The following NPNT variants were observed in gnomAD, a reference collection of about 807,000 sequenced individuals.
NPNT encodes the protein nephronectin.
NPNT carries 45 observed loss-of-function variants against 68.6 expected under a neutral mutation model. The observed-to-expected ratio is 0.66, with a 90% confidence interval of 0.52 to 0.84. The LOEUF (loss-of-function observed/expected upper bound fraction) is 0.84, where lower values mean the gene tolerates loss of function less well. NPNT is among the 40% of genes least tolerant of loss of function. The pLI, the probability that NPNT is intolerant of heterozygous loss-of-function variation, is 0.00. For synonymous variants in NPNT, 233 were observed against 253.3 expected (o/e 0.92, Z 0.76); for missense variants, 672 against 714.8 (o/e 0.94, Z 0.68).
At chr4:105,947,765 T>C (rs371233214) in intron 8 of NPNT, among the ~76,000 whole-genome samples, 38 of 152,316 alleles carry the variant, frequency 2.5e-4, no homozygotes, top group African/African-American at 8.4e-4. Flanking sequence ...CCTTTGAACA[T>C]TCTTTATTTT....
intron 8 of NPNT, among the ~76,000 whole-genome samples, chr4:105,956,537 A>G (rs1235246477): frequency 6.6e-6 from 1 of 152,182 alleles, no homozygotes; most frequent in Non-Finnish European, 1.5e-5. Flanking sequence ...GGTACTTTTA[A>G]GAGTTGAGCC....
chr4:105,967,065 T>G (rs1353682822), intron 10 of NPNT, 123 bp from the exon 11 acceptor site: 11 of 933,870 alleles, frequency 1.2e-5, no homozygotes, highest in Non-Finnish European at 1.7e-5. Context: ...TTTTTCTTCT[T>G]CAAAAATCTG....
intron 2 of NPNT, among the ~76,000 whole-genome samples, chr4:105,898,322 C>CTG (rs1726078054): frequency 9.0e-5 from 11 of 122,842 alleles, no homozygotes; most frequent in Non-Finnish European, 1.4e-4. Context: ...GTCTCTCTCT[C>CTG]TCTCTGTCTC....
chr4:105,937,874 A>T (rs1210464287), intron 4 of NPNT, among the ~76,000 whole-genome samples: 1 of 152,208 alleles, frequency 6.6e-6, no homozygotes, highest in Admixed American at 6.5e-5. Context: ...AGCTAATTTT[A>T]TTTAACATTG....
At chr4:105,968,843 G>A (rs1190350578) in intron 11 of NPNT, 52 bp from the exon 12 acceptor site, 3 of 990,282 alleles carry the variant, frequency 3.0e-6, no homozygotes, top group Non-Finnish European at 4.7e-6. Context: ...TAATAAGGAG[G>A]CATTAGAAAG....
chr4:105,940,449 A>G (rs1043829704), intron 6 of NPNT, 65 bp from the exon 7 acceptor site: 24 of 1,483,154 alleles, frequency 1.6e-5, no homozygotes, highest in African/African-American at 2.8e-5. Context: ...GAAACTGTAT[A>G]TATTTTTTAT....
intron 7 of NPNT, among the ~76,000 whole-genome samples, chr4:105,942,105 C>CTG (rs143566124): frequency 5.0e-4 from 74 of 147,194 alleles, no homozygotes; most frequent in African/African-American, 1.7e-3. Flanking sequence ...ATGTGTGTGT[C>CTG]TGTGTGTGTG....
chr4:105,916,201 T>C (rs1288644437), intron 2 of NPNT, among the ~76,000 whole-genome samples: 1 of 151,878 alleles, frequency 6.6e-6, no homozygotes, highest in Non-Finnish European at 1.5e-5. Flanking sequence ...AAGTGAATCA[T>C]TGTTAGTAGT....
Position 105,969,062 on chromosome 4 carries a change from T to C in NPNT, c.*72T>C. On this transcript the variant is annotated 3_prime_UTR_variant, in exon 12 of 12. Coordinates refer to ENST00000379987, the MANE Select transcript of NPNT (RefSeq NM_001033047.3). ...TTCCAATTCTCATCTTCTCTCCTCT[T>C]CTCCCTTTTATCAGGCCTAGGAGAA... The C allele has an allele frequency of 1.0e-6, 1 of 1,004,976 alleles. No individual in the cohort carries two copies. Among genetic ancestry groups the C allele is most frequent in the East Asian group, 2.5e-5 (1 of 39,670 alleles). 62.3% of individuals were successfully genotyped at this position (1,004,976 alleles called of 1,614,324 possible).
intron 10 of NPNT, among the ~76,000 whole-genome samples, chr4:105,965,439 C>A (rs1732045733): frequency 6.6e-6 from 1 of 151,232 alleles, no homozygotes; most frequent in South Asian, 2.1e-4. Flanking sequence ...ATCATAACCT[C>A]ATTTATCATG....
chr4:105,919,492 T>G (rs866499488), intron 2 of NPNT, among the ~76,000 whole-genome samples: 2 of 152,166 alleles, frequency 1.3e-5, no homozygotes, highest in South Asian at 4.1e-4. Context: ...TTTTATGGAT[T>G]TTTTCTTTTT....
chr4:105,938,056 A>G (rs914057100), intron 4 of NPNT, among the ~76,000 whole-genome samples: 2 of 151,900 alleles, frequency 1.3e-5, no homozygotes, highest in Non-Finnish European at 2.9e-5. Flanking sequence ...AAATACCTCA[A>G]TTCTTCACTT....
At chr4:105,943,604 T>G (rs976656830) in intron 8 of NPNT, among the ~76,000 whole-genome samples, 1 of 152,154 alleles carries the variant, frequency 6.6e-6, no homozygotes, top group Non-Finnish European at 1.5e-5. Flanking sequence ...GGTTGTTAAT[T>G]TATTACCAGA....
chr4:105,938,713 C>T (rs981074500), intron 5 of NPNT, among the ~76,000 whole-genome samples: 2 of 152,164 alleles, frequency 1.3e-5, no homozygotes, highest in Non-Finnish European at 2.9e-5. Context: ...GCTCAGTATT[C>T]CTAGAATGTA....
Position 105,927,360 on chromosome 4 carries a change from A to G in NPNT, c.197A>G (p.His66Arg). Residue 66 changes from histidine (H) to arginine (R), a missense_variant, in exon 3 of 12, where the codon CAT becomes CGT. Physicochemically the swap from His to Arg is conservative, Grantham distance 29. Transcript: ENST00000379987. ...CQPVCQPRCK[H>R]GECIGPNKCK... ...GCTGTGTGCCAACCACGATGCAAAC[A>G]TGGTGAATGTATCGGGCCAAACAAG... The G allele has an allele frequency of 1.2e-6, 2 of 1,612,768 alleles. No homozygotes were observed. The highest frequency in any genetic ancestry group is 1.7e-6 in the Non-Finnish European group (2 of 1,179,112).
rs1483917638 is a variant in NPNT at position 105,895,529 on chromosome 4, T to A, written c.-124T>A. ...CGCTGTCCTCCGGGAGCGGCAGCAG[T>A]AGCCCGGGCGGCGAGGGCTGGGGGT... is the stretch of plus-strand genomic sequence containing the variant. On this transcript the variant is annotated 5_prime_UTR_variant, in exon 1 of 12. Transcript: ENST00000379987. 1.3e-6 allele frequency: 1 copy of A among 763,640 alleles called. No individual in the cohort carries two copies. Among genetic ancestry groups the A allele is most frequent in the East Asian group, 2.9e-5 (1 of 34,308 alleles). 47.3% of individuals were successfully genotyped at this position (763,640 alleles called of 1,614,324 possible). A position where few individuals can be genotyped will look rare whatever the true frequency, so the allele number is the denominator to read the frequency against.
At chr4:105,912,270 G>A (rs527349056) in intron 2 of NPNT, 2 of 1,474,900 alleles carry the variant, frequency 1.4e-6, no homozygotes, top group Non-Finnish European at 1.8e-6. Context: ...AAATAATTTT[G>A]GCTAATCTAT....
rs370116422 is a variant in NPNT, at chr4:105,895,683, T to C, written c.31T>C (p.Ser11Pro). MDFLLALVLV[S>P]SLYLQAAAEF... Reference sequence around the variant, plus strand: ...TTTTCTCCTGGCGCTGGTGCTGGTATCCTCGCTCTACCTGCAGGCGGCCGC... The same window carrying C: ...TTTTCTCCTGGCGCTGGTGCTGGTACCCTCGCTCTACCTGCAGGCGGCCGC... The change falls in exon 1 of 12, where the codon TCC becomes CCC. Residue 11 changes from serine to proline, a missense_variant. Physicochemically the swap from Ser to Pro is moderately conservative, Grantham distance 74 (BLOSUM62 -1). Transcript: ENST00000379987. 1 of 1,553,744 alleles carries C rather than the reference T, an allele frequency of 6.4e-7. No individual in the cohort carries two copies. The highest frequency in any genetic ancestry group is 8.7e-7 in the Non-Finnish European group (1 of 1,148,266).
intron 8 of NPNT, among the ~76,000 whole-genome samples, chr4:105,942,923 A>C (rs1353846697): frequency 6.6e-6 from 1 of 152,258 alleles, no homozygotes; most frequent in Non-Finnish European, 1.5e-5. Flanking sequence ...TCACAAAGTC[A>C]TATGGTAGAT....
Sources: allele counts gnomAD v4.1 joint callset (sites outside exome capture counted in the v4.1 genomes callset), GRCh38; gene constraint gnomAD v4.1.1; transcripts MANE v1.5; gene names NCBI Gene and HGNC (gene_info 2026-07-23, HGNC 2026-07-21).